The following ZRANB3 variants were observed in gnomAD, a reference collection of about 807,000 sequenced individuals.
ZRANB3 encodes zinc finger RANBP2-type containing 3, also known as DNA annealing helicase and endonuclease ZRANB3.
A neutral mutation model predicts 133.8 loss-of-function variants in ZRANB3; 125 were observed. The ratio of observed to expected loss-of-function variants is 0.93; its 90% CI spans 0.81 to 1.08. The LOEUF is 1.08. Among genes scored for constraint, ZRANB3 ranks in the 50% least tolerant of loss-of-function variants. ZRANB3 has a pLI of 0.00. For missense variants in ZRANB3, 1,229 were observed against 1,275.5 expected, an observed-to-expected ratio of 0.96 and a Z score of 0.56; for synonymous variants, 387 against 432.7, an observed-to-expected ratio of 0.89 and a Z score of 1.31.
chr2:135,329,611 G>A (rs559913190), intron 6 of ZRANB3, among the ~76,000 whole-genome samples: 133 of 152,226 alleles, frequency 8.7e-4, no homozygotes, highest in African/African-American at 2.8e-3. Context: ...CATTGGTAGC[G>A]TGATGGGGAT....
intron 3 of ZRANB3, among the ~76,000 whole-genome samples, chr2:135,368,478 T>C (rs973052031): frequency 4.6e-5 from 7 of 152,164 alleles, no homozygotes; most frequent in Admixed American, 3.9e-4. Context: ...TAACATCATG[T>C]CATAAACTAA....
chr2:135,219,941 A>G (rs1415346323), intron 15 of ZRANB3, among the ~76,000 whole-genome samples: 1 of 151,798 alleles, frequency 6.6e-6, no homozygotes, highest in African/African-American at 2.4e-5. Flanking sequence ...GCATGATCTC[A>G]GCTCACTGCA....
intron 12 of ZRANB3, among the ~76,000 whole-genome samples, chr2:135,261,689 G>C (rs1423403060): frequency 6.6e-6 from 1 of 152,102 alleles, no homozygotes. Context: ...ACATATGTAG[G>C]AAGATTTATT....
At chr2:135,346,731 C>G (rs1403766897) in intron 5 of ZRANB3, among the ~76,000 whole-genome samples, 1 of 152,154 alleles carries the variant, frequency 6.6e-6, no homozygotes, top group Admixed American at 6.5e-5. Flanking sequence ...CTCTGATAGG[C>G]TACACACAGG....
At chr2:135,246,347 T>C (rs1210240931) in intron 12 of ZRANB3, among the ~76,000 whole-genome samples, 1 of 152,202 alleles carries the variant, frequency 6.6e-6, no homozygotes, top group East Asian at 1.9e-4. Flanking sequence ...AATAAAAATA[T>C]GCTTCTAATG....
At chr2:135,288,611 A>G (rs1681517369) in intron 8 of ZRANB3, among the ~76,000 whole-genome samples, 1 of 151,964 alleles carries the variant, frequency 6.6e-6, no homozygotes. Flanking sequence ...CAGAGTCTCT[A>G]TTTCTTCCTG....
intron 2 of ZRANB3, among the ~76,000 whole-genome samples, chr2:135,458,676 C>T (rs1444526862): frequency 6.6e-6 from 1 of 151,898 alleles, no homozygotes; most frequent in African/African-American, 2.4e-5. Context: ...AGATCTAAGT[C>T]GGGGGAAGAA....
At position 135,219,076 on chromosome 2, in the gene ZRANB3, C is replaced by G; in HGVS notation, c.2352+1G>C. On this transcript the variant is annotated splice_donor_variant, in intron 16 of 20. Coordinates refer to ENST00000264159, the MANE Select transcript of ZRANB3 (RefSeq NM_032143.4). LOFTEE classifies it high-confidence loss of function. ...GCCATTTTATTTAAAACTATTCTTA[C>G]CAGTGAGCGATATTGTTTCAGCTGA... The G allele has an allele frequency of 6.8e-7, 1 of 1,477,578 alleles. No individual in the cohort carries two copies. Among genetic ancestry groups the G allele is most frequent in the African/African-American group, 1.4e-5 (1 of 69,306 alleles). The allele number at this position is 1,477,578 out of a possible 1,614,324, so 91.5% of individuals were successfully genotyped here.
Position 135,207,762 on chromosome 2 carries a change from G to T in ZRANB3, c.2681C>A (p.Pro894His), listed in dbSNP as rs773842184. 6.2e-7 allele frequency: 1 copy of T among 1,613,924 alleles called. No individual in the cohort carries two copies. Among genetic ancestry groups the T allele is most frequent in the Admixed American group, 1.7e-5 (1 of 60,014 alleles). ...YTVQADLTVK[P>H]STSKGYLQAV... is the part of the protein sequence containing the mutation. ...TTGCAAATAGCCTTTGGATGTAGAGGGCTTCACAGTGAGATCTGCCTGGAC... is the reference window on the plus strand; with the variant it reads ...TTGCAAATAGCCTTTGGATGTAGAGTGCTTCACAGTGAGATCTGCCTGGAC... The change falls in exon 19 of 21, where the codon CCC (proline) becomes CAC (histidine). Residue 894 changes from proline to histidine, a missense_variant. Physicochemically the swap from Pro to His is moderately conservative, Grantham distance 77 (BLOSUM62 -2). Coordinates refer to ENST00000264159, the MANE Select transcript of ZRANB3 (RefSeq NM_032143.4).
At chr2:135,337,147 G>C (rs984316137) in intron 6 of ZRANB3, among the ~76,000 whole-genome samples, 2 of 152,108 alleles carry the variant, frequency 1.3e-5, no homozygotes, top group Non-Finnish European at 2.9e-5. Context: ...TAAAAAGCTT[G>C]CCTAATCTAA....
At chr2:135,297,022 T>A (rs1294519230) in intron 8 of ZRANB3, among the ~76,000 whole-genome samples, 1 of 152,082 alleles carries the variant, frequency 6.6e-6, no homozygotes, top group Non-Finnish European at 1.5e-5. Context: ...TACTCGGGGG[T>A]CAGGGACCCA....
At chr2:135,491,065 G>A (rs192059678) in intron 2 of ZRANB3, among the ~76,000 whole-genome samples, 32 of 152,208 alleles carry the variant, frequency 2.1e-4, no homozygotes, top group Non-Finnish European at 2.9e-4. Flanking sequence ...AATACCTAAC[G>A]TTTGGTAGAT....
chr2:135,381,999 C>T (rs988515479), intron 3 of ZRANB3, among the ~76,000 whole-genome samples: 1 of 152,222 alleles, frequency 6.6e-6, no homozygotes, highest in Non-Finnish European at 1.5e-5. Flanking sequence ...CGGAGAATGA[C>T]TTTGACGAGT....
intron 1 of ZRANB3, among the ~76,000 whole-genome samples, chr2:135,524,850 T>C (rs1416518415): frequency 6.6e-6 from 1 of 152,106 alleles, no homozygotes; most frequent in Non-Finnish European, 1.5e-5. Context: ...TAATAAATGG[T>C]ATTGGGTTTA....
At chr2:135,479,979 G>T (rs1390701227) in intron 2 of ZRANB3, among the ~76,000 whole-genome samples, 1 of 151,538 alleles carries the variant, frequency 6.6e-6, no homozygotes. Context: ...TGTCACCCAG[G>T]CTGGAGTGCA....
At chr2:135,425,876 A>T (rs1191536457) in intron 2 of ZRANB3, among the ~76,000 whole-genome samples, 2 of 152,156 alleles carry the variant, frequency 1.3e-5, no homozygotes, top group Admixed American at 1.3e-4. Flanking sequence ...AGATACGAAA[A>T]AAAAACCATA....
intron 2 of ZRANB3, among the ~76,000 whole-genome samples, chr2:135,427,290 G>A (rs1449870905): frequency 6.6e-6 from 1 of 152,060 alleles, no homozygotes; most frequent in East Asian, 1.9e-4. Flanking sequence ...ATTTGCAGAT[G>A]ATATAATTCT....
intron 2 of ZRANB3, among the ~76,000 whole-genome samples, chr2:135,400,256 AAAATAAATAAAT>A (rs148153663): frequency 1.1e-4 from 17 of 151,846 alleles, no homozygotes; most frequent in African/African-American, 3.6e-4. Context: ...AGTAATAATA[AAAATAAATAAAT>A]AAATAAATAA....
In ZRANB3 at chr2:135,200,210, G is replaced by T; in HGVS notation, c.*132C>A. On this transcript the variant is annotated 3_prime_UTR_variant, in exon 21 of 21. Transcript: ENST00000264159. ...TATTTAATACTAAAAGTAATTAGTA[G>T]AAGAGAATTTGAATTCTTGATTTTT... The T allele has an allele frequency of 1.4e-6, 1 of 720,438 alleles. No individual in the cohort carries two copies. 44.6% of individuals were successfully genotyped at this position (720,438 alleles called of 1,614,324 possible). A position where few individuals can be genotyped will look rare whatever the true frequency, so the allele number is the denominator to read the frequency against.
Sources: gnomAD v4.1 joint callset for allele counts (sites outside exome capture counted in the v4.1 genomes callset) on GRCh38, gnomAD v4.1.1 for gene constraint, MANE v1.5 for transcripts, NCBI Gene and HGNC (gene_info 2026-07-23, HGNC 2026-07-21) for gene names.